Variants in MTHFD1 observed in about 807,000 individuals in gnomAD.
The protein encoded by MTHFD1 is C-1-tetrahydrofolate synthase, cytoplasmic.
In MTHFD1, 44 loss-of-function variants were observed where a neutral mutation model predicts 110.3. That is an observed-to-expected ratio of 0.40 (90% CI 0.31 to 0.51). The LOEUF is 0.51. Among genes scored for constraint, MTHFD1 ranks in the 20% least tolerant of loss-of-function variants. The pLI, the probability that MTHFD1 is intolerant of heterozygous loss-of-function variation, is 0.60. For synonymous variants in MTHFD1, 402 were observed against 428.8 expected (o/e 0.94, Z 0.77); for missense variants, 909 against 1,173.1 (o/e 0.77, Z 3.29).
chr14:64,454,838 GCGTTGGGGCTGGTTTTCTGTA>G lies in MTHFD1; in HGVS notation c.2683_2703del (p.Val895_Tyr901del). 1 of 1,614,254 alleles carries G rather than the reference GCGTTGGGGCTGGTTTTCTGTA, an allele frequency of 6.2e-7. No homozygotes were observed. The highest frequency in any genetic ancestry group is 8.5e-7 in the Non-Finnish European group (1 of 1,180,048). The stretch of plus-strand genomic sequence containing the variant: ...CTGCCCATTCGCGACATCCGCGCCA[GCGTTGGGGCTGGTTTTCTGTA>G]CCCCTTAGTAGGAACGGTAAGTGCA... On this transcript the variant is annotated inframe_deletion, in exon 26 of 28. Coordinates refer to ENST00000652337, the MANE Select transcript of MTHFD1 (RefSeq NM_005956.4).
At chr14:64,403,948 T>C (rs907950606) in intron 2 of MTHFD1, among the ~76,000 whole-genome samples, 2 of 152,230 alleles carry the variant, frequency 1.3e-5, no homozygotes, top group African/African-American at 2.4e-5. Context: ...TAGTGAAGGA[T>C]ACCTTGACTA....
intron 7 of MTHFD1, 131 bp from the exon 8 acceptor site, chr14:64,419,683 A>G (rs891269573): frequency 6.9e-6 from 5 of 726,832 alleles, no homozygotes; most frequent in South Asian, 1.5e-5. Flanking sequence ...CCTTAACCCA[A>G]TATCTTATGA....
In MTHFD1 at chr14:64,442,175, T is replaced by A. The variant is rs776861329; in HGVS notation, c.1996+10T>A. The A allele has an allele frequency of 6.2e-7, 1 of 1,614,120 alleles. No homozygotes were observed. The highest frequency in any genetic ancestry group is 1.7e-5 in the Admixed American group (1 of 60,026). The stretch of plus-strand genomic sequence containing the variant: ...CCAGAAGGGTTTGTAGGTTAGTGTT[T>A]TTTGCAAAACCAGTGAATAGACTGT... On this transcript the variant is annotated intron_variant, in intron 20 of 27. Transcript: ENST00000652337.
chr14:64,392,069 A>T (rs532245463), intron 1 of MTHFD1, among the ~76,000 whole-genome samples: 2 of 152,340 alleles, frequency 1.3e-5, no homozygotes, highest in African/African-American at 4.8e-5. Context: ...AGTCTTTGTA[A>T]AAGTGACTTA....
chr14:64,389,135 G>A (rs1213617647), intron 1 of MTHFD1: 1 of 152,290 alleles, frequency 6.6e-6, no homozygotes, highest in Admixed American at 6.5e-5. Flanking sequence ...AGTGGGTATC[G>A]TTGCCAGCTT....
chr14:64,437,780 C>T (rs2078217676), intron 16 of MTHFD1, among the ~76,000 whole-genome samples: 1 of 152,196 alleles, frequency 6.6e-6, no homozygotes, highest in Non-Finnish European at 1.5e-5. Context: ...GGATACAGCT[C>T]AGAAACAACC....
chr14:64,437,453 C>G (rs2140972338), intron 16 of MTHFD1, among the ~76,000 whole-genome samples: 1 of 152,350 alleles, frequency 6.6e-6, no homozygotes, highest in East Asian at 1.9e-4. Context: ...CAGCACCTCA[C>G]TTCTGACACC....
chr14:64,449,458 T>C lies in MTHFD1; in HGVS notation c.2293T>C (p.Ser765Pro). ...CTTCCTTTATAGGACGGATACAGAG[T>C]CTGAGCTGGACCTCATCAGCCGCCT... ...AVNAFKTDTE[S>P]ELDLISRLSR... Residue 765 changes from serine (S) to proline (P), a missense_variant, in exon 24 of 28, where the codon TCT becomes CCT. Ser to Pro is a moderately conservative substitution (Grantham distance 74, BLOSUM62 -1). Coordinates refer to ENST00000652337, the MANE Select transcript of MTHFD1 (RefSeq NM_005956.4). 2 of 1,613,490 alleles carry C rather than the reference T, an allele frequency of 1.2e-6. No homozygotes were observed. The highest frequency in any genetic ancestry group is 8.5e-7 in the Non-Finnish European group (1 of 1,180,012).
intron 1 of MTHFD1, among the ~76,000 whole-genome samples, chr14:64,396,273 T>G (rs1338934420): frequency 6.6e-6 from 1 of 152,176 alleles, no homozygotes; most frequent in Non-Finnish European, 1.5e-5. Flanking sequence ...TGTTTTAATT[T>G]GACTTAAATG....
chr14:64,447,045 GC>G (rs1326176187), intron 22 of MTHFD1, among the ~76,000 whole-genome samples: 17 of 151,638 alleles, frequency 1.1e-4, no homozygotes, highest in Admixed American at 6.6e-5. Context: ...TCCCTATGTT[GC>G]CCAGGCAGGC....
intron 15 of MTHFD1, among the ~76,000 whole-genome samples, chr14:64,434,950 T>TC (rs1491373861): frequency 2.9e-5 from 1 of 34,696 alleles, no homozygotes; most frequent in African/African-American, 2.2e-4. Flanking sequence ...CCCTCTTTTC[T>TC]TTTTTTTTTT....
rs1019540773 is a variant in MTHFD1 at position 64,449,724 on chromosome 14, G to C, written c.2457+102G>C. 5 of 1,408,364 alleles carry C rather than the reference G, an allele frequency of 3.6e-6. No homozygotes were observed. The African/African-American group carries it at 4.2e-5, about 12-fold the overall frequency. The allele number at this position is 1,408,364 out of a possible 1,614,324, so 87.2% of individuals were successfully genotyped here. A position where few individuals can be genotyped will look rare whatever the true frequency, so the allele number is the denominator to read the frequency against. ...TAGAGCCCCATGCTTCGCAGCTTCA[G>C]CCTTGCGGTTTGATTCCCACGTAGG... On this transcript the variant is annotated intron_variant, in intron 24 of 27. Coordinates refer to ENST00000652337, the MANE Select transcript of MTHFD1 (RefSeq NM_005956.4).
At position 64,444,673 on chromosome 14, in the gene MTHFD1, T is replaced by G; in HGVS notation, c.2137-20T>G. On this transcript the variant is annotated intron_variant, in intron 21 of 27. Transcript: ENST00000652337. ...GATTTAAATAGGAAATGCCTCTGAC[T>G]CTGTTTCTTTTCCTTCCAGGTCACT... 1 of 1,614,020 alleles carries G rather than the reference T, an allele frequency of 6.2e-7. No individual in the cohort carries two copies. Among genetic ancestry groups the G allele is most frequent in the Non-Finnish European group, 8.5e-7 (1 of 1,179,912 alleles).
chr14:64,439,948 T>A (rs1217429164), intron 17 of MTHFD1, among the ~76,000 whole-genome samples, 178 bp from the exon 18 acceptor site: 2 of 84,720 alleles, frequency 2.4e-5, no homozygotes, highest in African/African-American at 6.2e-5. Flanking sequence ...AATAATTAAT[T>A]AATATATTTT....
intron 22 of MTHFD1, among the ~76,000 whole-genome samples, chr14:64,446,793 C>T (rs564666218): frequency 1.3e-5 from 2 of 152,276 alleles, no homozygotes; most frequent in South Asian, 2.1e-4. Context: ...CCACCCGCCT[C>T]GGCCTCCCAA....
intron 22 of MTHFD1, 59 bp downstream of exon 22, chr14:64,444,793 T>C: frequency 6.3e-7 from 1 of 1,580,440 alleles, no homozygotes; most frequent in South Asian, 1.1e-5. Flanking sequence ...GAATCAGCAT[T>C]TCTCCACCTG....
At chr14:64,418,227 G>C (rs2140957949) in intron 7 of MTHFD1, among the ~76,000 whole-genome samples, 1 of 152,204 alleles carries the variant, frequency 6.6e-6, no homozygotes, top group East Asian at 1.9e-4. Context: ...CAGGAGGATT[G>C]TTTGAGCCCA....
intron 12 of MTHFD1, among the ~76,000 whole-genome samples, chr14:64,428,533 G>A (rs867965996): frequency 2.7e-5 from 4 of 147,800 alleles, no homozygotes; most frequent in Admixed American, 7.0e-5. Flanking sequence ...TGTTGACACC[G>A]GGAACACCTT....
At chr14:64,391,137 C>T (rs1171866939) in intron 1 of MTHFD1, among the ~76,000 whole-genome samples, 3 of 152,112 alleles carry the variant, frequency 2.0e-5, no homozygotes, top group Admixed American at 6.5e-5. Flanking sequence ...AAAGGAATTT[C>T]GTAAGCTTTT....
Sources: allele counts gnomAD v4.1 joint callset (sites outside exome capture counted in the v4.1 genomes callset), GRCh38; gene constraint gnomAD v4.1.1; transcripts MANE v1.5; gene names NCBI Gene and HGNC (gene_info 2026-07-23, HGNC 2026-07-21).